USP34: variants seen among roughly 807,000 people sequenced by gnomAD.
USP34 encodes the protein ubiquitin specific peptidase 34, also known as ubiquitin carboxyl-terminal hydrolase 34.
USP34 carries 70 observed loss-of-function variants against 460.3 expected under a neutral mutation model. The ratio of observed to expected loss-of-function variants is 0.15; its 90% CI spans 0.13 to 0.19. The LOEUF (loss-of-function observed/expected upper bound fraction) is 0.19, where lower values mean the gene tolerates loss of function less well. Among genes scored for constraint, USP34 ranks in the 10% least tolerant of loss-of-function variants. The probability of loss-of-function intolerance (pLI) is 1.00; values close to 1 mark genes in which losing one functional copy is unlikely to be tolerated. For synonymous variants in USP34, 1,647 were observed against 1,405.3 expected, an observed-to-expected ratio of 1.17 and a Z score of -3.85; for missense variants, 3,985 against 4,236.2, an observed-to-expected ratio of 0.94 and a Z score of 1.65.
At chr2:61,334,687 G>A (rs1235572756) in intron 18 of USP34, among the ~76,000 whole-genome samples, 1 of 152,166 alleles carries the variant, frequency 6.6e-6, no homozygotes, top group East Asian at 1.9e-4. Flanking sequence ...GTGGAAGCAA[G>A]TATATGTTTG....
intron 39 of USP34, among the ~76,000 whole-genome samples, chr2:61,279,098 G>T (rs1197828072): frequency 5.0e-5 from 7 of 140,576 alleles, no homozygotes; most frequent in African/African-American, 1.0e-4. Context: ...AGCCCAGGTT[G>T]TTTTTTTTTT....
intron 16 of USP34, among the ~76,000 whole-genome samples, chr2:61,343,333 A>C (rs559679606): frequency 6.6e-6 from 1 of 152,174 alleles, no homozygotes; most frequent in South Asian, 2.1e-4. Flanking sequence ...AGTGATTTAG[A>C]CTTGAACAAT....
chr2:61,403,252 A>G (rs1417789135), intron 3 of USP34, among the ~76,000 whole-genome samples: 1 of 152,170 alleles, frequency 6.6e-6, no homozygotes, highest in Non-Finnish European at 1.5e-5. Context: ...CTATGCCTAC[A>G]TTTAGAGATT....
chr2:61,309,220 T>C (rs577287258), intron 27 of USP34, among the ~76,000 whole-genome samples: 1 of 152,150 alleles, frequency 6.6e-6, no homozygotes, highest in African/African-American at 2.4e-5. Flanking sequence ...TATGAAAACA[T>C]GAGATACATG....
chr2:61,364,667 G>C (rs1692375752), intron 10 of USP34, among the ~76,000 whole-genome samples: 1 of 152,160 alleles, frequency 6.6e-6, no homozygotes, highest in Non-Finnish European at 1.5e-5. Flanking sequence ...AGTGGCTCAT[G>C]TCTATTATCC....
At chr2:61,245,131 G>A (rs990988522) in intron 51 of USP34, 79 bp downstream of exon 51, 7 of 1,000,754 alleles carry the variant, frequency 7.0e-6, no homozygotes, top group South Asian at 3.6e-5. Context: ...AAAGTTAAGC[G>A]ACTCTGCTAT....
chr2:61,231,159 G>C (rs755432888), intron 58 of USP34, among the ~76,000 whole-genome samples: 1 of 152,186 alleles, frequency 6.6e-6, no homozygotes, highest in African/African-American at 2.4e-5. Flanking sequence ...AATAGTGTAT[G>C]AGTCCATTTA....
chr2:61,273,749 T>C (rs974060752), intron 41 of USP34, among the ~76,000 whole-genome samples: 1 of 152,088 alleles, frequency 6.6e-6, no homozygotes, highest in South Asian at 2.1e-4. Context: ...CTACAGGATA[T>C]TAAATCTACA....
chr2:61,379,435 G>A (rs1212203163), intron 7 of USP34, among the ~76,000 whole-genome samples: 3 of 151,998 alleles, frequency 2.0e-5, no homozygotes, highest in Non-Finnish European at 2.9e-5. Context: ...CAAGAGCATC[G>A]CTTGAACCCA....
intron 1 of USP34, among the ~76,000 whole-genome samples, chr2:61,434,242 A>G (rs1200104449): frequency 6.6e-6 from 1 of 152,186 alleles, no homozygotes; most frequent in East Asian, 1.9e-4. Context: ...CCTCAGAAAC[A>G]TTACCACAGG....
chr2:61,200,420 A>G (rs1026089307), intron 75 of USP34: 1 of 151,986 alleles, frequency 6.6e-6, no homozygotes, highest in Non-Finnish European at 1.5e-5. Flanking sequence ...AAACACTCCA[A>G]CCCTCTCGCT....
chr2:61,261,855 A>G (rs1688888884), intron 43 of USP34, among the ~76,000 whole-genome samples: 1 of 151,954 alleles, frequency 6.6e-6, no homozygotes, highest in East Asian at 1.9e-4. Context: ...CTGTAATCCC[A>G]GCACTTTGGG....
intron 1 of USP34, among the ~76,000 whole-genome samples, chr2:61,467,071 G>A (rs781735572): frequency 2.0e-5 from 3 of 152,024 alleles, no homozygotes; most frequent in Admixed American, 6.6e-5. Flanking sequence ...TTTGGGAGAC[G>A]GAAGCGGGTA....
intron 1 of USP34, among the ~76,000 whole-genome samples, chr2:61,466,196 G>A (rs1257158569): frequency 1.3e-5 from 2 of 151,722 alleles, no homozygotes; most frequent in South Asian, 2.1e-4. Flanking sequence ...AGGCCAAGGC[G>A]GGCAGATCAC....
intron 1 of USP34, among the ~76,000 whole-genome samples, chr2:61,444,534 T>C (rs988572564): frequency 6.6e-6 from 1 of 152,102 alleles, no homozygotes; most frequent in Non-Finnish European, 1.5e-5. Context: ...ACTTCTAAAA[T>C]AAATTTTTAA....
At chr2:61,457,279 A>G (rs998987359) in intron 1 of USP34, among the ~76,000 whole-genome samples, 1 of 152,206 alleles carries the variant, frequency 6.6e-6, no homozygotes, top group African/African-American at 2.4e-5. Flanking sequence ...TGTCAAATAA[A>G]TAAGGTGCAG....
rs571702938 is a variant in USP34, at chr2:61,434,405, C to T, written c.44-13572G>A. Among the ~76,000 whole-genome samples, 453 of 152,298 alleles carry T rather than the reference C, an allele frequency of 3.0e-3. 2 individuals carry two copies. The highest frequency in any genetic ancestry group is 0.01 in the African/African-American group (423 of 41,562). On this transcript the variant is annotated intron_variant, in intron 1 of 79. Coordinates refer to ENST00000398571, the MANE Select transcript of USP34 (RefSeq NM_014709.4). ...GTCCTAGACCTGAGAAACCATGGGC[C>T]ACTCCTGCCAGGCACAACACCAAGC...
chr2:61,424,928 C>G (rs374432656), intron 1 of USP34, among the ~76,000 whole-genome samples: 28 of 152,208 alleles, frequency 1.8e-4, no homozygotes, highest in South Asian at 6.2e-4. Context: ...CTCCCAGGTT[C>G]AAGTGATTCT....
At chr2:61,221,750 TG>T (rs1473092286) in intron 65 of USP34, 144 bp from the exon 66 acceptor site, 2 of 649,470 alleles carry the variant, frequency 3.1e-6, no homozygotes, top group Non-Finnish European at 4.8e-6. Flanking sequence ...CATGTGAACC[TG>T]AACTACCATA....
Sources: allele counts gnomAD v4.1 joint callset (sites outside exome capture counted in the v4.1 genomes callset), GRCh38; gene constraint gnomAD v4.1.1; transcripts MANE v1.5; gene names NCBI Gene and HGNC (gene_info 2026-07-23, HGNC 2026-07-21).